Variants in PLCB4 observed in about 807,000 individuals in gnomAD.
The protein encoded by PLCB4 is 1-phosphatidylinositol 4,5-bisphosphate phosphodiesterase beta-4.
PLCB4 carries 77 observed loss-of-function variants against 178.8 expected under a neutral mutation model. That is an observed-to-expected ratio of 0.43 (90% confidence interval 0.36 to 0.52). The LOEUF is 0.52. Ranked by LOEUF, PLCB4 falls within the 20% of genes least tolerant of loss-of-function variation. The pLI, the probability that PLCB4 is intolerant of heterozygous loss-of-function variation, is 0.00. For missense variants in PLCB4, 1,024 were observed against 1,453.4 expected (o/e 0.70, Z 4.80); for synonymous variants, 496 against 490.8 (o/e 1.01, Z -0.14).
At chr20:9,183,291 A>G (rs774385493) in intron 2 of PLCB4, among the ~76,000 whole-genome samples, 4 of 151,884 alleles carry the variant, frequency 2.6e-5, no homozygotes, top group Non-Finnish European at 4.4e-5. Flanking sequence ...CCCATCTCCC[A>G]CTACACAACG....
At chr20:9,368,159 C>A (rs1347307875) in intron 9 of PLCB4, among the ~76,000 whole-genome samples, 1 of 152,170 alleles carries the variant, frequency 6.6e-6, no homozygotes, top group African/African-American at 2.4e-5. Flanking sequence ...TAAAAGAGAT[C>A]TGGCTTCATA....
In PLCB4 at chr20:9,440,882, G is replaced by A. The variant is rs116162601; in HGVS notation, c.2765-3099G>A. Among the ~76,000 whole-genome samples the A allele has an allele frequency of 4.8e-3, 726 of 152,294 alleles. 7 individuals carry two copies. The highest frequency in any genetic ancestry group is 0.016 in the African/African-American group (679 of 41,552). On this transcript the variant is annotated intron_variant, in intron 30 of 39. Coordinates refer to ENST00000378473, the MANE Select transcript of PLCB4 (RefSeq NM_001377142.1). ...AGTAAAAAGCTTGCTTGGTAGGTGT[G>A]AGGGAGTGAGTGAAGTTGGCAGGAT...
intron 33 of PLCB4, 100 bp from the exon 34 acceptor site, chr20:9,457,314 G>C (rs779053368): frequency 2.8e-6 from 2 of 712,740 alleles, no homozygotes; most frequent in Non-Finnish European, 5.2e-6. Context: ...TCTCATATTT[G>C]ATGAATATAT....
At chr20:9,166,333 C>T (rs1270233784) in intron 2 of PLCB4, 4 of 152,130 alleles carry the variant, frequency 2.6e-5, no homozygotes, top group South Asian at 2.1e-4. Flanking sequence ...TACTCATTCC[C>T]GGGCAGTGTT....
At chr20:9,246,767 G>A (rs2094130946) in intron 3 of PLCB4, among the ~76,000 whole-genome samples, 1 of 152,146 alleles carries the variant, frequency 6.6e-6, no homozygotes, top group Non-Finnish European at 1.5e-5. Flanking sequence ...TATTCAATAT[G>A]ACTGGATTTG....
chr20:9,410,576 C>T (rs2039785575), intron 24 of PLCB4, among the ~76,000 whole-genome samples: 1 of 152,096 alleles, frequency 6.6e-6, no homozygotes. Flanking sequence ...AGTAATTCCC[C>T]CTGCCTCCCA....
intron 3 of PLCB4, among the ~76,000 whole-genome samples, chr20:9,218,099 A>G (rs529456987): frequency 6.6e-6 from 1 of 152,214 alleles, no homozygotes; most frequent in East Asian, 1.9e-4. Context: ...CCCTTGATCA[A>G]ATTGCTGTTT....
At chr20:9,355,854 T>A (rs1041929770) in intron 7 of PLCB4, among the ~76,000 whole-genome samples, 2 of 152,140 alleles carry the variant, frequency 1.3e-5, no homozygotes, top group African/African-American at 4.8e-5. Context: ...TAGTTCTAGA[T>A]CCCTGAGGAA....
At chr20:9,341,882 T>C (rs1242121097) in intron 7 of PLCB4, among the ~76,000 whole-genome samples, 1 of 152,288 alleles carries the variant, frequency 6.6e-6, no homozygotes, top group Admixed American at 6.5e-5. Context: ...TTATTCAAAC[T>C]CAATACTATT....
intron 9 of PLCB4, among the ~76,000 whole-genome samples, chr20:9,368,135 A>G (rs1304208780): frequency 6.6e-6 from 1 of 152,228 alleles, no homozygotes; most frequent in Non-Finnish European, 1.5e-5. Context: ...CTATTAGTGT[A>G]CTGTCCATAA....
chr20:9,475,292 A>T (rs2044469109), intron 38 of PLCB4, among the ~76,000 whole-genome samples: 1 of 152,236 alleles, frequency 6.6e-6, no homozygotes, highest in South Asian at 2.1e-4. Flanking sequence ...GAAAACAGTC[A>T]TCTTGTGTCG....
chr20:9,305,720 C>G (rs2094757873), intron 3 of PLCB4, among the ~76,000 whole-genome samples: 1 of 152,128 alleles, frequency 6.6e-6, no homozygotes, highest in Non-Finnish European at 1.5e-5. Flanking sequence ...ACTTACAAGT[C>G]TGTAAATAAC....
At chr20:9,370,405 C>T (rs757407785) in intron 9 of PLCB4, among the ~76,000 whole-genome samples, 3 of 152,056 alleles carry the variant, frequency 2.0e-5, no homozygotes, top group Admixed American at 6.5e-5. Context: ...TGTCTGATCA[C>T]GCCCGTGTCA....
chr20:9,214,905 C>T (rs975503147), intron 2 of PLCB4, among the ~76,000 whole-genome samples: 1 of 152,074 alleles, frequency 6.6e-6, no homozygotes, highest in Non-Finnish European at 1.5e-5. Flanking sequence ...AACAATGAGG[C>T]AGTTTATGTT....
intron 3 of PLCB4, among the ~76,000 whole-genome samples, chr20:9,276,993 G>A: frequency 6.6e-6 from 1 of 152,034 alleles, no homozygotes; most frequent in East Asian, 1.9e-4. Flanking sequence ...CCCCATAACT[G>A]CTGAATCAGA....
chr20:9,408,605 T>G (rs1169925628), intron 22 of PLCB4, 28 bp from the exon 23 acceptor site: 1 of 1,154,422 alleles, frequency 8.7e-7, no homozygotes, highest in African/African-American at 1.5e-5. Context: ...GCAGAGTTCC[T>G]GAATCCATCT....
intron 3 of PLCB4, among the ~76,000 whole-genome samples, chr20:9,251,358 G>A (rs2094178397): frequency 6.6e-6 from 1 of 152,158 alleles, no homozygotes; most frequent in Admixed American, 6.6e-5. Context: ...AAGGGAATCT[G>A]CATTTGAACA....
At chr20:9,330,649 G>A (rs948866621) in intron 4 of PLCB4, among the ~76,000 whole-genome samples, 31 of 152,232 alleles carry the variant, frequency 2.0e-4, no homozygotes, top group African/African-American at 7.2e-4. Context: ...GGCCAATATG[G>A]TAACCACTAA....
chr20:9,138,678 C>T (rs1022303874), intron 2 of PLCB4, among the ~76,000 whole-genome samples: 2 of 152,082 alleles, frequency 1.3e-5, no homozygotes, highest in Non-Finnish European at 2.9e-5. Flanking sequence ...ATATTAGCAT[C>T]CATACTTCAC....
Sources: allele counts gnomAD v4.1 joint callset (sites outside exome capture counted in the v4.1 genomes callset), GRCh38; gene constraint gnomAD v4.1.1; transcripts MANE v1.5; gene names NCBI Gene and HGNC (gene_info 2026-07-23, HGNC 2026-07-21).